ACSS3: variants seen among roughly 807,000 people sequenced by gnomAD.
ACSS3 encodes the protein acyl-CoA synthetase short chain family member 3, also known as acyl-CoA synthetase short-chain family member 3, mitochondrial.
ACSS3 carries 64 observed loss-of-function variants against 84.2 expected under a neutral mutation model. The observed-to-expected ratio is 0.76, with a 90% CI of 0.62 to 0.94. The LOEUF is 0.94. ACSS3 is among the 40% of genes least tolerant of loss of function. The pLI is 0.00. For synonymous variants in ACSS3, 317 were observed against 310.1 expected (o/e 1.02, Z -0.23); for missense variants, 815 against 867.6 (o/e 0.94, Z 0.76).
chr12:81,226,589 T>C (rs1408452212), intron 11 of ACSS3, among the ~76,000 whole-genome samples: 1 of 151,850 alleles, frequency 6.6e-6, no homozygotes, highest in Non-Finnish European at 1.5e-5. Context: ...AAATTATTTG[T>C]CACCTCTCTA....
chr12:81,186,468 G>T (rs2031259623), intron 8 of ACSS3, among the ~76,000 whole-genome samples: 1 of 151,576 alleles, frequency 6.6e-6, no homozygotes, highest in Admixed American at 6.6e-5. Context: ...TCTGATAAAG[G>T]GTTAATATCC....
At chr12:81,197,387 A>G (rs1295863963) in intron 8 of ACSS3, among the ~76,000 whole-genome samples, 1 of 152,164 alleles carries the variant, frequency 6.6e-6, no homozygotes, top group Non-Finnish European at 1.5e-5. Context: ...GTTGGGGAAG[A>G]TGTTAAAATA....
rs1376151997 is a variant in ACSS3 at position 81,178,559 on chromosome 12, A to T, written c.1250+3620A>T. Among the ~76,000 whole-genome samples, 3 of 152,200 alleles carry T rather than the reference A, an allele frequency of 2.0e-5. No homozygotes were observed. In the East Asian group the frequency reaches 5.8e-4, roughly 29 times the overall value. On this transcript the variant is annotated intron_variant, in intron 8 of 15. Transcript: ENST00000548058. ...CATCCCATTCACATTAGCAATGAAA[A>T]GAATAAAATACCTAGGAATACACCT...
intron 1 of ACSS3, among the ~76,000 whole-genome samples, chr12:81,095,881 A>T (rs987299504): frequency 1.3e-5 from 2 of 152,228 alleles, no homozygotes; most frequent in African/African-American, 4.8e-5. Context: ...CTGTCTTTAC[A>T]TCAGGTTTCT....
chr12:81,152,388 G>A (rs1886655450), intron 7 of ACSS3, among the ~76,000 whole-genome samples: 1 of 152,078 alleles, frequency 6.6e-6, no homozygotes. Flanking sequence ...ACTGATTTTA[G>A]AGTCCTAGAA....
chr12:81,214,335 T>C (rs540787609), intron 9 of ACSS3, among the ~76,000 whole-genome samples: 2 of 152,256 alleles, frequency 1.3e-5, no homozygotes, highest in East Asian at 3.9e-4. Flanking sequence ...CAGCAATAGT[T>C]CTTTTTCTAA....
intron 2 of ACSS3, among the ~76,000 whole-genome samples, chr12:81,110,931 T>G (rs1294103569): frequency 2.0e-5 from 3 of 152,180 alleles, no homozygotes; most frequent in African/African-American, 7.2e-5. Flanking sequence ...TCTCCCTGAC[T>G]CTTTGAAATC....
intron 1 of ACSS3, among the ~76,000 whole-genome samples, chr12:81,108,771 G>A (rs1218761500): frequency 6.6e-6 from 1 of 152,138 alleles, no homozygotes; most frequent in Non-Finnish European, 1.5e-5. Flanking sequence ...GACATTGGAA[G>A]AAATGGACCA....
intron 8 of ACSS3, among the ~76,000 whole-genome samples, chr12:81,195,251 A>G (rs1473486852): frequency 5.9e-5 from 9 of 152,056 alleles, no homozygotes; most frequent in Non-Finnish European, 1.2e-4. Flanking sequence ...AAGTGTTTGA[A>G]TAACATATGA....
chr12:81,214,928 T>A (rs2032846499), intron 9 of ACSS3, among the ~76,000 whole-genome samples: 1 of 152,202 alleles, frequency 6.6e-6, no homozygotes, highest in Non-Finnish European at 1.5e-5. Context: ...GAAGGTGGTA[T>A]CTCCTTTCCT....
intron 7 of ACSS3, among the ~76,000 whole-genome samples, chr12:81,159,657 G>A (rs970762503): frequency 6.6e-6 from 1 of 152,336 alleles, no homozygotes; most frequent in Non-Finnish European, 1.5e-5. Flanking sequence ...CCCTAACCGT[G>A]TATGAACAAG....
intron 8 of ACSS3, among the ~76,000 whole-genome samples, chr12:81,196,590 G>T (rs2031842373): frequency 1.3e-5 from 2 of 151,882 alleles, no homozygotes; most frequent in South Asian, 4.2e-4. Context: ...AGCCCATTTT[G>T]CATTGTTGTA....
At chr12:81,253,832 T>A (rs2034225073) in intron 15 of ACSS3, among the ~76,000 whole-genome samples, 162 bp downstream of exon 15, 1 of 152,206 alleles carries the variant, frequency 6.6e-6, no homozygotes. Context: ...ATATAGCCAT[T>A]CCTTCTGTAG....
At chr12:81,205,463 A>G (rs1476035626) in intron 9 of ACSS3, among the ~76,000 whole-genome samples, 1 of 152,104 alleles carries the variant, frequency 6.6e-6, no homozygotes, top group Non-Finnish European at 1.5e-5. Context: ...AATACATTCT[A>G]TTTACAAAAA....
chr12:81,199,880 T>G (rs929482529), intron 9 of ACSS3: 7 of 348,264 alleles, frequency 2.0e-5, no homozygotes, highest in Non-Finnish European at 3.8e-5. Context: ...CACTGCACAC[T>G]GCTCCCAGAG....
rs1446096621 is a variant in ACSS3, at chr12:81,078,410, A to C, written c.290A>C (p.Lys97Thr). The part of the protein sequence containing the change: ...YKPWTKTLEN[K>T]HSPSTRWFVE... ...CCCTGGACCAAAACGCTGGAGAACA[A>C]ACACTCGCCCTCTACCAGGTGGTGA... The change falls in exon 1 of 16, where the codon AAA (lysine) becomes ACA (threonine). Residue 97 changes from lysine (K) to threonine (T), a missense_variant. By Grantham distance (78) the Lys-to-Thr change is moderately conservative. Transcript: ENST00000548058. The C allele has an allele frequency of 6.2e-7, 1 of 1,612,372 alleles. No individual in the cohort carries two copies. Among genetic ancestry groups the C allele is most frequent in the Admixed American group, 1.7e-5 (1 of 59,982 alleles).
At chr12:81,211,074 C>T (rs1176829745) in intron 9 of ACSS3, among the ~76,000 whole-genome samples, 2 of 151,900 alleles carry the variant, frequency 1.3e-5, no homozygotes, top group East Asian at 1.9e-4. Context: ...TCAAGTGATC[C>T]TCCCACCTCA....
At position 81,259,029 on chromosome 12, in the gene ACSS3, T is replaced by G. The variant is rs2034544945; in HGVS notation, c.*4107T>G. On this transcript the variant is annotated 3_prime_UTR_variant, in exon 16 of 16. Coordinates refer to ENST00000548058, the MANE Select transcript of ACSS3 (RefSeq NM_024560.4). ...TCTAAAGATATAGGACATCCCTGATTGCCTTTAAAGCTCTATTTTTGGCTC... is the reference window on the plus strand; with the variant it reads ...TCTAAAGATATAGGACATCCCTGATGGCCTTTAAAGCTCTATTTTTGGCTC... The G allele has an allele frequency of 6.3e-6, 1 of 159,910 alleles. No individual in the cohort carries two copies. The highest frequency in any genetic ancestry group is 2.4e-5 in the African/African-American group (1 of 41,512). 9.9% of individuals were successfully genotyped at this position (159,910 alleles called of 1,614,324 possible).
intron 1 of ACSS3, among the ~76,000 whole-genome samples, chr12:81,101,185 C>T (rs1353161099): frequency 6.6e-6 from 1 of 151,736 alleles, no homozygotes; most frequent in African/African-American, 2.4e-5. Context: ...CTTCTTTTTA[C>T]CAGAAGAAAA....
Sources: gnomAD v4.1 joint callset for allele counts (sites outside exome capture counted in the v4.1 genomes callset) on GRCh38, gnomAD v4.1.1 for gene constraint, MANE v1.5 for transcripts, NCBI Gene and HGNC (gene_info 2026-07-23, HGNC 2026-07-21) for gene names.